FBXW11: variants seen among roughly 807,000 people sequenced by gnomAD.
FBXW11 encodes the protein F-box and WD repeat domain containing 11.
A neutral mutation model predicts 77.6 loss-of-function variants in FBXW11; 19 were observed. That is an observed-to-expected ratio of 0.24 (90% CI 0.17 to 0.36). The LOEUF (loss-of-function observed/expected upper bound fraction) is 0.36. FBXW11 is among the 10% of genes least tolerant of loss of function. The pLI is 1.00. For synonymous variants in FBXW11, 235 were observed against 249.4 expected (o/e 0.94, Z 0.54); for missense variants, 334 against 704.2 (o/e 0.47, Z 5.95).
rs1450986237 is a variant in FBXW11, at chr5:171,861,837, A to G, written c.*2290T>C. 6.5e-6 allele frequency: 1 copy of G among 152,688 alleles called. No homozygotes were observed. Among genetic ancestry groups the G allele is most frequent in the Non-Finnish European group, 1.5e-5 (1 of 68,050 alleles). 9.5% of individuals were successfully genotyped at this position (152,688 alleles called of 1,614,324 possible). Reference sequence around the variant, plus strand: ...CAAACATAATTAATTACAAGTTAGAATTAGACTATCCCAGTGCTTTAAAAC... The same window carrying G: ...CAAACATAATTAATTACAAGTTAGAGTTAGACTATCCCAGTGCTTTAAAAC... On this transcript the variant is annotated 3_prime_UTR_variant, in exon 14 of 14. Coordinates refer to ENST00000517395, the MANE Select transcript of FBXW11 (RefSeq NM_001378974.1).
intron 6 of FBXW11, among the ~76,000 whole-genome samples, chr5:171,897,577 A>C (rs1003329258): frequency 6.6e-6 from 1 of 152,204 alleles, no homozygotes; most frequent in Admixed American, 6.5e-5. Flanking sequence ...GTCAATTCTA[A>C]CAGCAGTCAT....
At chr5:171,885,342 C>G (rs1758808713) in intron 7 of FBXW11, among the ~76,000 whole-genome samples, 1 of 152,154 alleles carries the variant, frequency 6.6e-6, no homozygotes, top group Non-Finnish European at 1.5e-5. Context: ...ACTGGGTCCT[C>G]CTCAGTTTAT....
At chr5:171,998,334 G>GTTTTTTTTTTTTTTTT (rs1766187822) in intron 1 of FBXW11, among the ~76,000 whole-genome samples, 1 of 107,864 alleles carries the variant, frequency 9.3e-6, no homozygotes, top group African/African-American at 7.2e-5. Flanking sequence ...TTTTTTTCTT[G>GTTTTTTTTTTTTTTTT]TCTTTTTTTT....
At chr5:171,948,166 C>T (rs1369632984) in intron 2 of FBXW11, among the ~76,000 whole-genome samples, 1 of 139,546 alleles carries the variant, frequency 7.2e-6, no homozygotes, top group East Asian at 2.1e-4. Context: ...ATCCGGGAGG[C>T]AGAGGTTGCA....
chr5:172,006,377 C>G (rs1581111715), intron 1 of FBXW11, 81 bp downstream of exon 1: 1 of 1,305,954 alleles, frequency 7.7e-7, no homozygotes, highest in East Asian at 2.9e-5. Flanking sequence ...CAGAGCCGGC[C>G]TCGCACCGGA....
At chr5:171,997,352 A>G (rs78848648) in intron 1 of FBXW11, among the ~76,000 whole-genome samples, 3,712 of 152,342 alleles carry the variant, frequency 0.024, 85 homozygotes, top group African/African-American at 0.058. Context: ...TATCATCCAT[A>G]TAAATTGTCC....
chr5:171,878,603 A>AGAGTGTGTGTGT (rs138423567), intron 7 of FBXW11, among the ~76,000 whole-genome samples: 6 of 128,580 alleles, frequency 4.7e-5, no homozygotes, highest in East Asian at 2.4e-4. Context: ...AGAGAGAGAG[A>AGAGTGTGTGTGT]GTGTGTGTGT....
intron 2 of FBXW11, among the ~76,000 whole-genome samples, chr5:171,939,898 A>T (rs1030901062): frequency 6.6e-6 from 1 of 152,098 alleles, no homozygotes; most frequent in Non-Finnish European, 1.5e-5. Context: ...TTCCTTATAT[A>T]AAGTGGAATA....
intron 7 of FBXW11, among the ~76,000 whole-genome samples, chr5:171,889,077 A>G (rs1053206527): frequency 5.3e-5 from 8 of 152,258 alleles, no homozygotes; most frequent in African/African-American, 1.9e-4. Context: ...TGGTACAGAA[A>G]AAAATATTTG....
At chr5:171,905,599 CTTT>C (rs1472605067) in intron 4 of FBXW11, among the ~76,000 whole-genome samples, 3,972 of 117,944 alleles carry the variant, frequency 0.034, 146 homozygotes, top group South Asian at 0.18. Context: ...ACCCCCCCCC[CTTT>C]ATTTTCTTGG....
chr5:171,994,052 C>G (rs889932037), intron 1 of FBXW11, among the ~76,000 whole-genome samples: 5 of 152,182 alleles, frequency 3.3e-5, no homozygotes, highest in African/African-American at 1.2e-4. Context: ...AATGCAGAAC[C>G]TGAGAGCTAG....
At chr5:171,980,628 T>C (rs916449769) in intron 1 of FBXW11, among the ~76,000 whole-genome samples, 1 of 152,176 alleles carries the variant, frequency 6.6e-6, no homozygotes, top group African/African-American at 2.4e-5. Flanking sequence ...CACAATGAAA[T>C]ACCATTTCAC....
chr5:171,944,456 T>C (rs947726197), intron 2 of FBXW11, among the ~76,000 whole-genome samples: 1 of 149,758 alleles, frequency 6.7e-6, no homozygotes, highest in Non-Finnish European at 1.5e-5. Flanking sequence ...GCGCCTGTAG[T>C]CCCAGCTATG....
chr5:171,884,298 C>T (rs144909984), intron 7 of FBXW11, among the ~76,000 whole-genome samples: 1,782 of 152,282 alleles, frequency 0.012, 16 homozygotes, highest in Non-Finnish European at 0.019. Context: ...AAAAGGGTGT[C>T]CTTTCCCCAC....
intron 2 of FBXW11, among the ~76,000 whole-genome samples, chr5:171,920,001 C>T (rs1252068878): frequency 1.3e-5 from 2 of 151,900 alleles, no homozygotes; most frequent in East Asian, 3.9e-4. Flanking sequence ...ACTAAAAATA[C>T]AAAAATTAGC....
intron 3 of FBXW11, 108 bp downstream of exon 3, chr5:171,914,235 A>G: frequency 6.3e-6 from 6 of 953,390 alleles, no homozygotes; most frequent in South Asian, 5.1e-5. Context: ...AAACTGCACA[A>G]AAGAAAACAA....
At chr5:171,968,206 C>T (rs1247840349) in intron 1 of FBXW11, among the ~76,000 whole-genome samples, 1 of 152,066 alleles carries the variant, frequency 6.6e-6, no homozygotes, top group Non-Finnish European at 1.5e-5. Context: ...CCTGTAATCC[C>T]AGCACTTTGG....
chr5:171,992,689 A>G (rs971530346), intron 1 of FBXW11, among the ~76,000 whole-genome samples: 3 of 152,088 alleles, frequency 2.0e-5, no homozygotes, highest in African/African-American at 7.2e-5. Context: ...CTATACTCTG[A>G]GTAATCATGT....
At chr5:171,937,628 A>G (rs1581227624) in intron 2 of FBXW11, among the ~76,000 whole-genome samples, 1 of 152,080 alleles carries the variant, frequency 6.6e-6, no homozygotes, top group South Asian at 2.1e-4. Flanking sequence ...GGAGTTCAAG[A>G]CCAGCCTGAT....
Sources: gnomAD v4.1 joint callset for allele counts (sites outside exome capture counted in the v4.1 genomes callset) on GRCh38, gnomAD v4.1.1 for gene constraint, MANE v1.5 for transcripts, NCBI Gene and HGNC (gene_info 2026-07-23, HGNC 2026-07-21) for gene names.